The following PRICKLE2 variants were observed in gnomAD, a reference collection of about 807,000 sequenced individuals.
PRICKLE2 encodes the protein prickle-like protein 2.
Under a neutral mutation model 81.4 loss-of-function variants are expected in PRICKLE2, and 21 were observed. The observed-to-expected ratio is 0.26, with a 90% CI of 0.18 to 0.37. PRICKLE2 has a LOEUF of 0.37. Ranked by LOEUF, PRICKLE2 falls within the 10% of genes least tolerant of loss-of-function variation. The pLI, the probability that PRICKLE2 is intolerant of heterozygous loss-of-function variation, is 1.00. For synonymous variants in PRICKLE2, 456 were observed against 421.5 expected (o/e 1.08, Z -1.00); for missense variants, 940 against 1,109.0 (o/e 0.85, Z 2.16).
rs56209328 is a variant in PRICKLE2, at chr3:64,155,366, GA to G, written c.600+1795del. On this transcript the variant is annotated intron_variant, in intron 5 of 7. Coordinates refer to ENST00000638394, the MANE Select transcript of PRICKLE2 (RefSeq NM_198859.4). ...TCATACCCATTACGATAGCTATAAT[GA>G]AAAAAAAAAACAGATAATAACAAGT... 1.8e-3 allele frequency among the ~76,000 whole-genome samples: 268 copies of G among 146,756 alleles called. 3 individuals are homozygous for G. The highest frequency in any genetic ancestry group is 4.1e-3 in the African/African-American group (162 of 39,758).
intron 7 of PRICKLE2, among the ~76,000 whole-genome samples, chr3:64,136,472 G>A (rs1372202011): frequency 6.7e-6 from 1 of 149,990 alleles, no homozygotes; most frequent in Admixed American, 6.7e-5. Flanking sequence ...CTAGATGAAC[G>A]TAGTGTAAGT....
intron 6 of PRICKLE2, among the ~76,000 whole-genome samples, chr3:64,149,708 G>C (rs919361112): frequency 6.6e-6 from 1 of 152,168 alleles, no homozygotes; most frequent in African/African-American, 2.4e-5. Context: ...GAAGAGAATT[G>C]CAAGAACAAA....
chr3:64,125,620 C>T (rs1458424070), intron 7 of PRICKLE2, among the ~76,000 whole-genome samples: 3 of 148,268 alleles, frequency 2.0e-5, no homozygotes, highest in Admixed American at 6.8e-5. Context: ...AGAGGATCAA[C>T]AGCACTTTCT....
rs547649461 is a variant in PRICKLE2, at chr3:64,258,748, C to T, written c.129-59781G>A. Among the ~76,000 whole-genome samples the T allele has an allele frequency of 1.7e-4, 24 of 143,002 alleles. No homozygotes were observed. In the East Asian group the frequency reaches 2.0e-3, roughly 12 times the overall value. 93.8% of individuals were successfully genotyped at this position (143,002 alleles called of 152,430 possible). ...CTGACGCAGGAGAATGGCACGAACC[C>T]GGGAGGCAGAGCTTGCAGTGAGCCG... On this transcript the variant is annotated intron_variant, in intron 2 of 8. Transcript: ENST00000295902.
At chr3:64,157,129 T>C in intron 5 of PRICKLE2, 33 bp downstream of exon 5, 4 of 1,593,612 alleles carry the variant, frequency 2.5e-6, no homozygotes, top group Non-Finnish European at 3.4e-6. Flanking sequence ...GAAGGGGTGA[T>C]GGGCAGGTAA....
chr3:64,191,556 C>A (rs1167199718), intron 2 of PRICKLE2, among the ~76,000 whole-genome samples: 1 of 152,192 alleles, frequency 6.6e-6, no homozygotes, highest in African/African-American at 2.4e-5. Flanking sequence ...GCTTTACTCA[C>A]CCTACGGTGA....
intron 7 of PRICKLE2, among the ~76,000 whole-genome samples, chr3:64,116,001 A>G (rs2076928773): frequency 1.3e-5 from 2 of 152,202 alleles, no homozygotes; most frequent in Admixed American, 1.3e-4. Flanking sequence ...ACAATCTCTC[A>G]GACCACAGCA....
At chr3:64,210,254 T>C (rs1243438436) in intron 1 of PRICKLE2, among the ~76,000 whole-genome samples, 1 of 152,122 alleles carries the variant, frequency 6.6e-6, no homozygotes, top group East Asian at 1.9e-4. Flanking sequence ...TTATTTGCAG[T>C]CTTACTGGCT....
At chr3:64,101,069 A>G (rs1201846972) in intron 7 of PRICKLE2, 1 of 152,228 alleles carries the variant, frequency 6.6e-6, no homozygotes, top group Non-Finnish European at 1.5e-5. Flanking sequence ...ACTAAAGCTA[A>G]ATACACATAT....
intron 1 of PRICKLE2, among the ~76,000 whole-genome samples, chr3:64,204,375 A>T (rs1679335): frequency 0.12 from 18,325 of 152,114 alleles, 1,390 homozygotes; most frequent in East Asian, 0.39. Flanking sequence ...CCCACGGAAG[A>T]AAACAAAGGC....
chr3:64,141,611 C>A (rs757578937), intron 7 of PRICKLE2, among the ~76,000 whole-genome samples: 6 of 152,178 alleles, frequency 3.9e-5, no homozygotes, highest in Non-Finnish European at 8.8e-5. Flanking sequence ...GCTGTGCCAG[C>A]CTGAGTCACT....
chr3:64,228,995 T>C (rs548088367), upstream of PRICKLE2, among the ~76,000 whole-genome samples: 16 of 152,230 alleles, frequency 1.1e-4, no homozygotes, highest in East Asian at 3.1e-3. Flanking sequence ...AAAACAATTT[T>C]ATAGTGGGGG....
chr3:64,194,960 T>G (rs2078422176), intron 2 of PRICKLE2, among the ~76,000 whole-genome samples: 1 of 152,094 alleles, frequency 6.6e-6, no homozygotes, highest in Non-Finnish European at 1.5e-5. Context: ...AGGATTCCCT[T>G]GAGCCCAGGA....
chr3:64,126,792 G>T (rs1349442976), intron 7 of PRICKLE2, among the ~76,000 whole-genome samples: 1 of 152,086 alleles, frequency 6.6e-6, no homozygotes, highest in South Asian at 2.1e-4. Flanking sequence ...TGGCCAGACT[G>T]GTCTCGAACT....
chr3:64,164,299 C>T (rs1294569660), intron 2 of PRICKLE2, among the ~76,000 whole-genome samples: 1 of 152,174 alleles, frequency 6.6e-6, no homozygotes, highest in Non-Finnish European at 1.5e-5. Flanking sequence ...ATTGCTTGAA[C>T]ACACCACAGC....
At chr3:64,245,299 C>CTCTT (rs1189187741) in intron 2 of PRICKLE2, among the ~76,000 whole-genome samples, 1 of 151,924 alleles carries the variant, frequency 6.6e-6, no homozygotes, top group Non-Finnish European at 1.5e-5. Context: ...GAAAGCTTAT[C>CTCTT]TCTGCAAGAA....
rs1358772449 is a variant in PRICKLE2 at position 64,095,550 on chromosome 3, G to A, written c.*3501C>T. 1 of 152,176 alleles carries A rather than the reference G, an allele frequency of 6.6e-6. No individual in the cohort carries two copies. The highest frequency in any genetic ancestry group is 1.5e-5 in the Non-Finnish European group (1 of 68,040). 9.4% of individuals were successfully genotyped at this position (152,176 alleles called of 1,614,324 possible). ...ATCTGCTCAGCTTGCAGGGAGCGCA[G>A]AGCACATGCTACATATATGTCATCA... On this transcript the variant is annotated 3_prime_UTR_variant, in exon 8 of 8. Coordinates refer to ENST00000638394, the MANE Select transcript of PRICKLE2 (RefSeq NM_198859.4).
chr3:64,175,771 T>C (rs1178970230), intron 2 of PRICKLE2, among the ~76,000 whole-genome samples: 1 of 152,172 alleles, frequency 6.6e-6, no homozygotes, highest in Non-Finnish European at 1.5e-5. Flanking sequence ...TAAACATATT[T>C]TAAAATAAAG....
intron 7 of PRICKLE2, among the ~76,000 whole-genome samples, chr3:64,104,938 G>T (rs949125328): frequency 6.6e-6 from 1 of 152,200 alleles, no homozygotes; most frequent in African/African-American, 2.4e-5. Flanking sequence ...GGGTAGTTCT[G>T]TGGTTACTTT....
Sources: allele counts gnomAD v4.1 joint callset (sites outside exome capture counted in the v4.1 genomes callset), GRCh38; gene constraint gnomAD v4.1.1; transcripts MANE v1.5; gene names NCBI Gene and HGNC (gene_info 2026-07-23, HGNC 2026-07-21).